The following STRC variants were observed in gnomAD, a reference collection of about 807,000 sequenced individuals.
STRC encodes the protein stereocilin.
In STRC, 43 loss-of-function variants were observed where a neutral mutation model predicts 103.5. The ratio of observed to expected loss-of-function variants is 0.42; its 90% CI spans 0.33 to 0.54. The LOEUF (loss-of-function observed/expected upper bound fraction) is 0.54. Among genes scored for constraint, STRC ranks in the 20% least tolerant of loss-of-function variants. The pLI is 0.14. For synonymous variants in STRC, 186 were observed against 442.3 expected, an observed-to-expected ratio of 0.42 and a Z score of 7.27; for missense variants, 499 against 1,088.5, an observed-to-expected ratio of 0.46 and a Z score of 7.62.
At chr15:43,604,607 G>C (rs747328829) in intron 20 of STRC, 43 bp downstream of exon 20, 5 of 1,612,964 alleles carry the variant, frequency 3.1e-6, no homozygotes, top group Non-Finnish European at 1.7e-6. Context: ...TGAGGGACTG[G>C]GTATAGAATG....
intron 23 of STRC, 29 bp downstream of exon 23, chr15:43,603,213 C>T: frequency 6.2e-7 from 1 of 1,611,476 alleles, no homozygotes; most frequent in Non-Finnish European, 8.5e-7. Flanking sequence ...TTCCTCATGG[C>T]CAACCCCAGT....
chr15:43,602,949 C>A (rs767169370), intron 23 of STRC, among the ~76,000 whole-genome samples: 4 of 151,464 alleles, frequency 2.6e-5, no homozygotes, highest in Admixed American at 6.6e-5. Flanking sequence ...CCAGCCGAAG[C>A]ATGCCATTAT....
intron 22 of STRC, 69 bp from the exon 23 acceptor site, chr15:43,603,480 T>C: frequency 6.6e-7 from 1 of 1,522,510 alleles, no homozygotes; most frequent in Non-Finnish European, 9.0e-7. Flanking sequence ...TATCTGTAGA[T>C]AGAGTGAGTC....
rs773101392 is a variant in STRC, at chr15:43,605,357, C to G, written c.3837G>C (p.Leu1279Phe). Residue 1279 changes from leucine to phenylalanine, a missense_variant, in exon 19 of 29, where the codon TTG becomes TTC. Leu to Phe is a conservative substitution (Grantham distance 22). Transcript: ENST00000450892. ...GAGCTCTTTGCACCAGCTCCACCACCAACATAATGGATTCATTGGATAGTC... is the reference window on the plus strand; with the variant it reads ...GAGCTCTTTGCACCAGCTCCACCACGAACATAATGGATTCATTGGATAGTC... ...MDRLSNESIM[L>F]VVELVQRAPE... 1.3e-5 allele frequency: 20 copies of G among 1,597,654 alleles called. No individual in the cohort carries two copies. The highest frequency in any genetic ancestry group is 1.5e-5 in the Non-Finnish European group (18 of 1,170,848).
At chr15:43,603,886 T>C in intron 22 of STRC, 110 bp downstream of exon 22, 6 of 1,567,900 alleles carry the variant, frequency 3.8e-6, no homozygotes, top group Non-Finnish European at 5.2e-6. Context: ...CTAAACTCTT[T>C]GCTTTATAAA....
At chr15:43,611,026 G>GTGTGTCTGTGTGTC (rs1555447503) in intron 13 of STRC, 42 bp from the exon 14 acceptor site, 1 of 1,466,990 alleles carries the variant, frequency 6.8e-7, no homozygotes, top group Non-Finnish European at 9.2e-7. Flanking sequence ...GTGTGTGTGT[G>GTGTGTCTGTGTGTC]TGTGTGTGTG....
At chr15:43,604,280 C>T (rs1273770654) in intron 21 of STRC, 81 bp downstream of exon 21, 3 of 1,596,138 alleles carry the variant, frequency 1.9e-6, no homozygotes, top group Non-Finnish European at 2.6e-6. Flanking sequence ...TATCCTTTGC[C>T]CTCTTTGGCC....
chr15:43,602,121 CAAA>C (rs35561492), intron 23 of STRC, among the ~76,000 whole-genome samples: 3 of 38,272 alleles, frequency 7.8e-5, no homozygotes, highest in Non-Finnish European at 1.6e-4. Flanking sequence ...GACTCTGTCT[CAAA>C]AAAAAAAAAA....
At chr15:43,601,067 T>C (rs2085663415) in intron 24 of STRC, 53 bp from the exon 25 acceptor site, 1 of 1,261,772 alleles carries the variant, frequency 7.9e-7, no homozygotes, top group African/African-American at 1.6e-5. Flanking sequence ...GGAGAATTAA[T>C]GGACAGGGAA....
chr15:43,609,479 C>T, intron 15 of STRC, 145 bp from the exon 16 acceptor site: 1 of 714,678 alleles, frequency 1.4e-6, no homozygotes, highest in South Asian at 1.5e-5. Flanking sequence ...CCCAGATGCC[C>T]ACTCTTCTCT....
intron 18 of STRC, among the ~76,000 whole-genome samples, chr15:43,606,697 C>G (rs2085712667): frequency 8.2e-6 from 1 of 121,448 alleles, no homozygotes; most frequent in East Asian, 2.5e-4. Context: ...AGTTCTGGAA[C>G]TGGGCTAAGT....
Position 43,601,072 on chromosome 15 carries a change from AG to A in STRC, c.4702-59del, listed in dbSNP as rs57893955. 13,125 of 1,261,876 alleles carry A rather than the reference AG, an allele frequency of 0.01. 1,156 individuals are homozygous for A. In the East Asian group the frequency reaches 0.17, roughly 17 times the overall value. The allele number at this position is 1,261,876 out of a possible 1,614,324, so 78.2% of individuals were successfully genotyped here. On this transcript the variant is annotated intron_variant, in intron 24 of 28. Transcript: ENST00000450892. ...GGAAAGTTATGGAGAATTAATGGACAGGGAAGTGATAGGTGTTACTGGGTTA... is the reference window on the plus strand; with the variant it reads ...GGAAAGTTATGGAGAATTAATGGACAGGAAGTGATAGGTGTTACTGGGTTA...
intron 18 of STRC, 88 bp from the exon 19 acceptor site, chr15:43,605,487 G>T: frequency 5.8e-6 from 9 of 1,547,118 alleles, no homozygotes; most frequent in Non-Finnish European, 7.9e-6. Context: ...CCGCAGCTAA[G>T]ATGTGACCCC....
In STRC at chr15:43,600,583, T is replaced by G. The variant is rs2085657338; in HGVS notation, c.4944A>C (p.Pro1648=). 3 of 1,613,204 alleles carry G rather than the reference T, an allele frequency of 1.9e-6. No individual in the cohort carries two copies. The highest frequency in any genetic ancestry group is 3.3e-5 in the Admixed American group (2 of 59,924). Residue 1648 remains proline, a synonymous_variant, in exon 26 of 29, where the codon CCA becomes CCC. Transcript: ENST00000450892. ...AGATCTCAGGCCCCCAGTTACTGATTGGGCCAAACCCACCAGGCAGTACAA... is the reference window on the plus strand; with the variant it reads ...AGATCTCAGGCCCCCAGTTACTGATGGGGCCAAACCCACCAGGCAGTACAA... The part of the protein sequence containing the change: ...HLLVLPGGFG[P]ISNWGPEIFT...
intron 22 of STRC, 97 bp from the exon 23 acceptor site, chr15:43,603,508 T>C: frequency 7.6e-7 from 1 of 1,307,240 alleles, no homozygotes; most frequent in Non-Finnish European, 1.1e-6. Context: ...CTTTGGAGGA[T>C]AGAGCACTGT....
At chr15:43,600,711 G>A in intron 25 of STRC, 29 bp from the exon 26 acceptor site, 2 of 1,612,934 alleles carry the variant, frequency 1.2e-6, no homozygotes, top group Non-Finnish European at 1.7e-6. Context: ...GAAGGAAGAA[G>A]AATTCGGCTT....
rs746977182 is a variant in STRC, at chr15:43,600,932, C to G, written c.4784G>C (p.Gly1595Ala). The change falls in exon 25 of 29, where the codon GGT (glycine) becomes GCT (alanine). Residue 1595 changes from glycine (G) to alanine (A), a missense_variant. Physicochemically the swap from Gly to Ala is moderately conservative, Grantham distance 60. Coordinates refer to ENST00000450892, the MANE Select transcript of STRC (RefSeq NM_153700.2). ...HLDFVHLTAL[G>A]YTLCGLRPEE... is the part of the protein sequence containing the mutation. ...TGGCCGCAGTCCACAGAGAGTATAA[C>G]CCAGCGCTGTCAGATGAACGAAGTC... The G allele has an allele frequency of 6.2e-7, 1 of 1,610,684 alleles. No homozygotes were observed. Among genetic ancestry groups the G allele is most frequent in the African/African-American group, 1.4e-5 (1 of 73,578 alleles).
At position 43,609,280 on chromosome 15, in the gene STRC, G is replaced by T; in HGVS notation, c.3553C>A (p.Leu1185Met). The T allele has an allele frequency of 6.2e-7, 1 of 1,610,622 alleles. No homozygotes were observed. Among genetic ancestry groups the T allele is most frequent in the Non-Finnish European group, 8.5e-7 (1 of 1,179,422 alleles). The change falls in exon 16 of 29, where the codon CTG (leucine) becomes ATG (methionine). Residue 1185 changes from leucine to methionine, a missense_variant. Leu to Met is a conservative substitution (Grantham distance 15). Transcript: ENST00000450892. ...QVPTNLTLRN[L>M]QALGTLAGGM... is the part of the protein sequence containing the mutation. The stretch of plus-strand genomic sequence containing the variant: ...TGCTCAACACAAGTTACTCACTGCA[G>T]ATTCCTGAGGGTAAGGTTGGTGGGT...
At chr15:43,601,817 C>T (rs531899252) in intron 23 of STRC, 6 of 461,552 alleles carry the variant, frequency 1.3e-5, no homozygotes, top group African/African-American at 9.9e-5. Context: ...CACAGAGACG[C>T]TTATTAAAAC....
Sources: gnomAD v4.1 joint callset for allele counts (sites outside exome capture counted in the v4.1 genomes callset) on GRCh38, gnomAD v4.1.1 for gene constraint, MANE v1.5 for transcripts, NCBI Gene and HGNC (gene_info 2026-07-23, HGNC 2026-07-21) for gene names.